Variants in STK25 observed in about 807,000 individuals in gnomAD.
The protein encoded by STK25 is serine/threonine-protein kinase 25.
STK25 carries 29 observed loss-of-function variants against 53.8 expected under a neutral mutation model. The observed-to-expected ratio is 0.54, with a 90% confidence interval of 0.40 to 0.74. The LOEUF is 0.74. Ranked by LOEUF, STK25 falls within the 30% of genes least tolerant of loss-of-function variation. The probability of loss-of-function intolerance (pLI) is 0.00; values close to 1 mark genes in which losing one functional copy is unlikely to be tolerated. For synonymous variants in STK25, 247 were observed against 238.3 expected (o/e 1.04, Z -0.33); for missense variants, 420 against 568.0 (o/e 0.74, Z 2.65).
Position 241,494,313 on chromosome 2 carries a change from G to A in STK25, c.*1349C>T, listed in dbSNP as rs2065044943. 2 of 403,138 alleles carry A rather than the reference G, an allele frequency of 5.0e-6. No individual in the cohort carries two copies. Among genetic ancestry groups the A allele is most frequent in the Non-Finnish European group, 9.0e-6 (2 of 221,260 alleles). 25.0% of individuals were successfully genotyped at this position (403,138 alleles called of 1,614,324 possible). ...TTCATCCCCCCACCCAGGACCTAGT[G>A]CATGCCAGCAGCTATCTGGGGCCCT... On this transcript the variant is annotated 3_prime_UTR_variant, in exon 12 of 12. Coordinates refer to ENST00000316586, the MANE Select transcript of STK25 (RefSeq NM_001271977.2). This position sits in a 1 kb window ranked among gnomAD's most constrained non-coding sequence, Gnocchi z 4.9.
chr2:241,492,951 T>C lies in STK25; in HGVS notation c.*2711A>G. The C allele has an allele frequency of 6.2e-7, 1 of 1,610,872 alleles. No individual in the cohort carries two copies. The highest frequency in any genetic ancestry group is 8.5e-7 in the Non-Finnish European group (1 of 1,177,008). ...CAGAACCAGCTTTCAGGATATCTGC[T>C]AAGAAAGTTCAAAAACAGTCATGGC... is the stretch of plus-strand genomic sequence containing the variant. On this transcript the variant is annotated 3_prime_UTR_variant, in exon 12 of 12. Coordinates refer to ENST00000316586, the MANE Select transcript of STK25 (RefSeq NM_001271977.2).
chr2:241,507,112 C>T (rs1333717437), intron 2 of STK25, among the ~76,000 whole-genome samples: 1 of 152,170 alleles, frequency 6.6e-6, no homozygotes, highest in Non-Finnish European at 1.5e-5. Context: ...CACATTTTAG[C>T]GGCGATTCCA....
rs190697109 is a variant in STK25 at position 241,501,672 on chromosome 2, G to A, written c.67C>T (p.Leu23Phe). The A allele has an allele frequency of 3.1e-6, 5 of 1,613,980 alleles. No homozygotes were observed. The highest frequency in any genetic ancestry group is 4.2e-6 in the Non-Finnish European group (5 of 1,180,022). The change falls in exon 3 of 12, where the codon CTC (leucine) becomes TTC (phenylalanine). Residue 23 changes from leucine (L) to phenylalanine (F), a missense_variant. Physicochemically the swap from Leu to Phe is conservative, Grantham distance 22. Transcript: ENST00000316586. This position sits in a 1 kb window ranked among gnomAD's most constrained non-coding sequence, Gnocchi z 5.3. The part of the protein sequence containing the change: ...RVDPEELFTK[L>F]DRIGKGSFGE... Reference sequence around the variant, plus strand: ...AACGAGCCCTTGCCAATGCGGTCGAGCTTGGTGAAGAGCTCCTCAGGGTCC... The same window carrying A: ...AACGAGCCCTTGCCAATGCGGTCGAACTTGGTGAAGAGCTCCTCAGGGTCC...
chr2:241,498,562 C>T, intron 8 of STK25, 77 bp downstream of exon 8: 1 of 1,521,574 alleles, frequency 6.6e-7, no homozygotes, highest in Non-Finnish European at 8.9e-7. Context: ...CCCCAGGGCC[C>T]ACGCCCCTGC....
Position 241,500,283 on chromosome 2 carries a change from T to C in STK25, c.319-2A>G. 6.2e-7 allele frequency: 1 copy of C among 1,611,954 alleles called. No individual in the cohort carries two copies. The highest frequency in any genetic ancestry group is 8.5e-7 in the Non-Finnish European group (1 of 1,178,186). ...CTCCTCCAGGGGACCTGGTTTAAGC[T>C]GGAGAGGAAGGTGCGACAGCAGGGC... is the stretch of plus-strand genomic sequence containing the variant. On this transcript the variant is annotated splice_acceptor_variant, in intron 4 of 11. Coordinates refer to ENST00000316586, the MANE Select transcript of STK25 (RefSeq NM_001271977.2). LOFTEE classifies it high-confidence loss of function.
At chr2:241,507,948 A>G (rs2065945252) in intron 2 of STK25, 58 bp downstream of exon 2, 2 of 1,499,024 alleles carry the variant, frequency 1.3e-6, no homozygotes, top group African/African-American at 2.8e-5. Context: ...AACCCCCAGG[A>G]GACTCTGGAG....
At chr2:241,502,119 G>A (rs982478000) in intron 2 of STK25, 4 of 172,590 alleles carry the variant, frequency 2.3e-5, no homozygotes, top group East Asian at 3.1e-4. Context: ...AGCCAAGACC[G>A]CACCATTGCA....
At chr2:241,504,080 T>TCC (rs2065674495) in intron 2 of STK25, 1 of 471,010 alleles carries the variant, frequency 2.1e-6, no homozygotes, top group African/African-American at 2.0e-5. Context: ...GTGCCAGACC[T>TCC]CGAGGTGACT....
rs540280190 is a variant in STK25, at chr2:241,496,654, C to G, written c.1105-120G>C. The G allele has an allele frequency of 2.6e-5, 31 of 1,175,570 alleles. No homozygotes were observed. Among genetic ancestry groups the G allele is most frequent in the Admixed American group, 1.3e-4 (5 of 38,138 alleles). 72.8% of individuals were successfully genotyped at this position (1,175,570 alleles called of 1,614,324 possible). A position where few individuals can be genotyped will look rare whatever the true frequency, so the allele number is the denominator to read the frequency against. On this transcript the variant is annotated intron_variant, in intron 10 of 11. Transcript: ENST00000316586. The surrounding 1 kb of genome is among the most constrained non-coding windows in gnomAD (Gnocchi z 5.8). Reference sequence around the variant, plus strand: ...AGGGCTCTCGCCTAGGAGCCACACCCGGGAGCCCTTCAGCAAGCCGGGAAG... The same window carrying G: ...AGGGCTCTCGCCTAGGAGCCACACCGGGGAGCCCTTCAGCAAGCCGGGAAG...
At chr2:241,499,684 C>T (rs1450367956) in intron 5 of STK25, 6 of 551,256 alleles carry the variant, frequency 1.1e-5, no homozygotes, top group Non-Finnish European at 2.0e-5. Context: ...GCGACTTCGC[C>T]CACTGGGGGC....
Position 241,498,274 on chromosome 2 carries a change from G to T in STK25, c.993C>A (p.Ser331Arg). ...GCAGGGCCGTCCCCTTGTGAAGCTT[G>T]CTGTGTGGACTCGGCCGGATGGTAG... ...FPPTIRPSPH[S>R]KLHKGTALHS... is the part of the protein sequence containing the mutation. The change falls in exon 9 of 12, where the codon AGC becomes AGA. Residue 331 changes from serine (S) to arginine (R), a missense_variant. Ser to Arg is a moderately radical substitution (Grantham distance 110). Coordinates refer to ENST00000316586, the MANE Select transcript of STK25 (RefSeq NM_001271977.2). 1 of 1,612,098 alleles carries T rather than the reference G, an allele frequency of 6.2e-7. No homozygotes were observed.
At chr2:241,500,681 C>T in intron 4 of STK25, 59 bp downstream of exon 4, 1 of 1,561,938 alleles carries the variant, frequency 6.4e-7, no homozygotes, top group Non-Finnish European at 8.8e-7. Flanking sequence ...GCCCATGAGT[C>T]TGAGGGGCAG....
Position 241,497,607 on chromosome 2 carries a change from C to T in STK25, c.1104+9G>A. Reference sequence around the variant, plus strand: ...GGGACTCCAGGCCCAGTCCCAGCCCCATCCTCACCTCTCCGAAGACGGGCC... The same window carrying T: ...GGGACTCCAGGCCCAGTCCCAGCCCTATCCTCACCTCTCCGAAGACGGGCC... On this transcript the variant is annotated intron_variant, in intron 10 of 11. Transcript: ENST00000316586. 1 of 1,613,438 alleles carries T rather than the reference C, an allele frequency of 6.2e-7. No individual in the cohort carries two copies. The highest frequency in any genetic ancestry group is 8.5e-7 in the Non-Finnish European group (1 of 1,179,906).
chr2:241,497,991 G>A (rs2065276093), intron 9 of STK25, among the ~76,000 whole-genome samples: 1 of 151,760 alleles, frequency 6.6e-6, no homozygotes, highest in Non-Finnish European at 1.5e-5. Context: ...GACTCTGAGG[G>A]CCTGTGACTC....
rs747250814 is a variant in STK25 at position 241,492,708 on chromosome 2, G to A, written c.*2954C>T. The A allele has an allele frequency of 2.4e-4, 124 of 524,418 alleles. No homozygotes were observed. Among genetic ancestry groups the A allele is most frequent in the Non-Finnish European group, 3.4e-4 (99 of 293,888 alleles). The allele number at this position is 524,418 out of a possible 1,614,324, so 32.5% of individuals were successfully genotyped here. ...ACTGACTTTATTGTGCACAGGGAAA[G>A]GGAACTCACTTTACTTGGTGCCTGG... On this transcript the variant is annotated 3_prime_UTR_variant, in exon 12 of 12. Transcript: ENST00000316586.
At position 241,493,502 on chromosome 2, in the gene STK25, C is replaced by T. The variant is rs1016063308; in HGVS notation, c.*2160G>A. The T allele has an allele frequency of 3.5e-5, 54 of 1,538,646 alleles. No homozygotes were observed. In the Admixed American group the frequency reaches 8.9e-4, roughly 25 times the overall value. On this transcript the variant is annotated 3_prime_UTR_variant, in exon 12 of 12. Transcript: ENST00000316586. ...CCCATTTCGATGTCCGCTCAGCTCC[C>T]ATTTCTACTCATGGTGGTGGAGGCA...
chr2:241,500,637 G>A (rs1216778028), intron 4 of STK25, 103 bp downstream of exon 4: 15 of 1,188,052 alleles, frequency 1.3e-5, no homozygotes, highest in Middle Eastern at 1.9e-4. Context: ...AACACCTAAC[G>A]TGCCATGACA....
At chr2:241,508,853 C>T (rs988088174), upstream of STK25, among the ~76,000 whole-genome samples, 3 of 152,186 alleles carry the variant, frequency 2.0e-5, no homozygotes, top group Admixed American at 2.0e-4. Flanking sequence ...GCGTCGCGCC[C>T]TCCCTGCCTC....
Position 241,493,069 on chromosome 2 carries a change from G to T in STK25, c.*2593C>A, listed in dbSNP as rs1264779592. On this transcript the variant is annotated 3_prime_UTR_variant, in exon 12 of 12. Coordinates refer to ENST00000316586, the MANE Select transcript of STK25 (RefSeq NM_001271977.2). ...AGTTTCACTGGAGCCCAATGCAGGT[G>T]ATGCTAGCAGACAGACACTTAACCC... The T allele has an allele frequency of 7.8e-7, 1 of 1,277,518 alleles. No individual in the cohort carries two copies. Among genetic ancestry groups the T allele is most frequent in the South Asian group, 1.2e-5 (1 of 84,396 alleles). The allele number at this position is 1,277,518 out of a possible 1,614,324, so 79.1% of individuals were successfully genotyped here.
Sources: gnomAD v4.1 joint callset for allele counts (sites outside exome capture counted in the v4.1 genomes callset) on GRCh38, gnomAD v4.1.1 for gene constraint, Gnocchi (gnomAD v3.1) non-coding constraint, MANE v1.5 for transcripts, NCBI Gene and HGNC (gene_info 2026-07-23, HGNC 2026-07-21) for gene names.